The following NPY5R variants were observed in gnomAD, a reference collection of about 807,000 sequenced individuals.
NPY5R encodes the protein neuropeptide Y receptor Y5, also known as neuropeptide Y receptor type 5.
Under a neutral mutation model 24.8 loss-of-function variants are expected in NPY5R, and 21 were observed. The ratio of observed to expected loss-of-function variants is 0.85; its 90% CI spans 0.60 to 1.22. The LOEUF (loss-of-function observed/expected upper bound fraction) is 1.22, where lower values mean the gene tolerates loss of function less well. Ranked by LOEUF, NPY5R falls within the 50% of genes most tolerant of loss-of-function variation. The probability of loss-of-function intolerance (pLI) is 0.00; values close to 1 mark genes in which losing one functional copy is unlikely to be tolerated. For synonymous variants in NPY5R, 175 were observed against 183.0 expected (o/e 0.96, Z 0.35); for missense variants, 481 against 521.3 (o/e 0.92, Z 0.75).
chr4:163,350,071 T>A, intron 3 of NPY5R, 194 bp from the exon 4 acceptor site: 1 of 319,172 alleles, frequency 3.1e-6, no homozygotes, highest in Non-Finnish European at 5.2e-6. Flanking sequence ...GCCACTGCAC[T>A]CCAGCCTGGG....
rs777496266 is a variant in NPY5R at position 163,350,718 on chromosome 4, A to G, written c.445A>G (p.Asn149Asp). Residue 149 changes from asparagine to aspartate, a missense_variant, in exon 4 of 4, where the codon AAT becomes GAT. Transcript: ENST00000338566. ...TCATATGATAAAACATCCCATATCTAATAATTTAACAGCAAACCATGGCTA... is the reference window on the plus strand; with the variant it reads ...TCATATGATAAAACATCCCATATCTGATAATTTAACAGCAAACCATGGCTA... Reference protein sequence around the residue: ...RYHMIKHPISNNLTANHGYFL... With the variant: ...RYHMIKHPISDNLTANHGYFL... 6.8e-6 allele frequency: 11 copies of G among 1,613,984 alleles called. No individual in the cohort carries two copies. The highest frequency in any genetic ancestry group is 9.3e-6 in the Non-Finnish European group (11 of 1,179,988).
chr4:163,347,634 A>G (rs986132855), intron 3 of NPY5R, 112 bp downstream of exon 3: 2 of 152,232 alleles, frequency 1.3e-5, no homozygotes, highest in African/African-American at 4.8e-5. Context: ...GGATCATCAG[A>G]ACTCAGGAAA....
At position 163,351,751 on chromosome 4, in the gene NPY5R, C is replaced by A; in HGVS notation, c.*140C>A. ...GTGAAAGAGTTCTGGATTCAAATGTCAGTTCATAATATATGGAAGATAATT... is the reference window on the plus strand; with the variant it reads ...GTGAAAGAGTTCTGGATTCAAATGTAAGTTCATAATATATGGAAGATAATT... On this transcript the variant is annotated 3_prime_UTR_variant, in exon 4 of 4. Transcript: ENST00000338566. The A allele has an allele frequency of 1.8e-6, 1 of 567,648 alleles. No individual in the cohort carries two copies. The highest frequency in any genetic ancestry group is 3.0e-6 in the Non-Finnish European group (1 of 334,132). 35.2% of individuals were successfully genotyped at this position (567,648 alleles called of 1,614,324 possible).
intron 3 of NPY5R, 139 bp from the exon 4 acceptor site, chr4:163,350,121 AAAAAG>A: frequency 4.5e-6 from 2 of 448,144 alleles, no homozygotes; most frequent in Non-Finnish European, 7.5e-6. Context: ...AAAAAAAAAA[AAAAAG>A]ATATCATAAA....
rs769907339 is a variant in NPY5R, at chr4:163,351,086, C to G, written c.813C>G (p.Leu271=). The G allele has an allele frequency of 1.2e-6, 2 of 1,614,120 alleles. No homozygotes were observed. Among genetic ancestry groups the G allele is most frequent in the Non-Finnish European group, 1.7e-6 (2 of 1,180,012 alleles). The change falls in exon 4 of 4, where the codon CTC becomes CTG. Residue 271 remains leucine, a synonymous_variant. Transcript: ENST00000338566. Reference sequence around the variant, plus strand: ...AAAAGAGTGGGCCTCAGGTGAAACTCTCTGGCAGCCATAAATGGAGTTATT... The same window carrying G: ...AAAAGAGTGGGCCTCAGGTGAAACTGTCTGGCAGCCATAAATGGAGTTATT... ...PSKKSGPQVK[L]SGSHKWSYSF...
chr4:163,350,821 T>G lies in NPY5R; in HGVS notation c.548T>G (p.Leu183Arg), dbSNP rs749777768. The G allele has an allele frequency of 9.9e-6, 16 of 1,614,100 alleles. No homozygotes were observed. The highest frequency in any genetic ancestry group is 1.1e-5 in the Non-Finnish European group (13 of 1,180,032). The change falls in exon 4 of 4, where the codon CTT (leucine) becomes CGT (arginine). Residue 183 changes from leucine to arginine, a missense_variant. Transcript: ENST00000338566. ...PLPVFHSLVELQETFGSALLS... is the reference protein window; with the variant it reads ...PLPVFHSLVERQETFGSALLS... ...CCAGTGTTTCACAGTCTTGTGGAAC[T>G]TCAAGAAACATTTGGTTCAGCATTG...
chr4:163,346,944 G>T (rs1735278821), intron 2 of NPY5R, among the ~76,000 whole-genome samples: 1 of 151,764 alleles, frequency 6.6e-6, no homozygotes, highest in African/African-American at 2.4e-5. Context: ...TTGCATTTTG[G>T]GGCCATTTGA....
Position 163,350,487 on chromosome 4 carries a change from CAGA to C in NPY5R, c.218_220del (p.Lys73del). 1 of 1,614,076 alleles carries C rather than the reference CAGA, an allele frequency of 6.2e-7. No homozygotes were observed. Among genetic ancestry groups the C allele is most frequent in the Non-Finnish European group, 8.5e-7 (1 of 1,180,000 alleles). ...AATGGCTCTCATGAAAAAGCGTAATCAGAAGACTACGGTAAACTTCCTCATAGG... is the reference window on the plus strand; with the variant it reads ...AATGGCTCTCATGAAAAAGCGTAATCAGACTACGGTAAACTTCCTCATAGG... On this transcript the variant is annotated inframe_deletion, in exon 4 of 4. Coordinates refer to ENST00000338566, the MANE Select transcript of NPY5R (RefSeq NM_006174.4).
Position 163,351,217 on chromosome 4 carries a change from A to T in NPY5R, c.944A>T (p.Asn315Ile). 6.2e-7 allele frequency: 1 copy of T among 1,614,126 alleles called. No homozygotes were observed. ...QENHSRILPE[N>I]FGSVRSQLSS... ...AACCACTCCAGAATACTTCCAGAAA[A>T]CTTTGGCTCTGTAAGAAGTCAGCTC... is the stretch of plus-strand genomic sequence containing the variant. Residue 315 changes from asparagine to isoleucine, a missense_variant, in exon 4 of 4, where the codon AAC becomes ATC. Coordinates refer to ENST00000338566, the MANE Select transcript of NPY5R (RefSeq NM_006174.4).
intron 2 of NPY5R, among the ~76,000 whole-genome samples, chr4:163,346,251 T>C (rs1217993699): frequency 6.6e-6 from 1 of 152,220 alleles, no homozygotes; most frequent in Non-Finnish European, 1.5e-5. Context: ...CAGTAATGCA[T>C]GTGTCCATGC....
rs1183201514 is a variant in NPY5R at position 163,350,625 on chromosome 4, C to T, written c.352C>T (p.Pro118Ser). Residue 118 changes from proline to serine, a missense_variant, in exon 4 of 4, where the codon CCT (proline) becomes TCT (serine). Transcript: ENST00000338566. ...MFGKVMCHIMPFLQCVSVLVS... is the reference protein window; with the variant it reads ...MFGKVMCHIMSFLQCVSVLVS... ...TGGCAAAGTCATGTGCCATATTATGCCTTTTCTTCAATGTGTGTCAGTTTT... is the reference window on the plus strand; with the variant it reads ...TGGCAAAGTCATGTGCCATATTATGTCTTTTCTTCAATGTGTGTCAGTTTT... 6.2e-7 allele frequency: 1 copy of T among 1,613,976 alleles called. No homozygotes were observed. Among genetic ancestry groups the T allele is most frequent in the Non-Finnish European group, 8.5e-7 (1 of 1,180,016 alleles).
rs1032235385 is a variant in NPY5R, at chr4:163,346,752, A to G, written c.-80-700A>G. Among the ~76,000 whole-genome samples, 5 of 152,214 alleles carry G rather than the reference A, an allele frequency of 3.3e-5. No individual in the cohort carries two copies. The East Asian group carries it at 9.6e-4, about 29-fold the overall frequency. On this transcript the variant is annotated intron_variant, in intron 2 of 3. Transcript: ENST00000338566. Reference sequence around the variant, plus strand: ...GCATATATTTAAAATAAAAGTTTTAATAACAGACTGCACAGTCGTGGAAAT... The same window carrying G: ...GCATATATTTAAAATAAAAGTTTTAGTAACAGACTGCACAGTCGTGGAAAT...
In NPY5R at chr4:163,351,327, G is replaced by A; in HGVS notation, c.1054G>A (p.Val352Ile). Residue 352 changes from valine to isoleucine, a missense_variant, in exon 4 of 4, where the codon GTA (valine) becomes ATA (isoleucine). By Grantham distance (29) the Val-to-Ile change is conservative. Transcript: ENST00000338566. ...EENSDVHELR[V>I]KRSVTRIKKR... ...AAATTCAGATGTTCATGAATTGAGA[G>A]TAAAACGTTCTGTTACAAGAATAAA... 2 of 1,613,736 alleles carry A rather than the reference G, an allele frequency of 1.2e-6. No homozygotes were observed. Among genetic ancestry groups the A allele is most frequent in the Non-Finnish European group, 1.7e-6 (2 of 1,179,660 alleles).
At chr4:163,344,633 A>G (rs772453152) in intron 1 of NPY5R, 1 of 152,256 alleles carries the variant, frequency 6.6e-6, no homozygotes, top group African/African-American at 2.4e-5. Context: ...GTGTCTTCAT[A>G]TAACAAATGC....
chr4:163,346,449 G>A (rs915952598), intron 2 of NPY5R, among the ~76,000 whole-genome samples: 9 of 152,114 alleles, frequency 5.9e-5, no homozygotes, highest in South Asian at 2.1e-4. Flanking sequence ...TTAGAGCAGA[G>A]CAGAGCACCT....
chr4:163,349,812 T>A (rs1330847072), intron 3 of NPY5R, among the ~76,000 whole-genome samples: 1 of 152,150 alleles, frequency 6.6e-6, no homozygotes, highest in Admixed American at 6.6e-5. Context: ...TTGGAACGAG[T>A]TAAAGGTATC....
Position 163,350,714 on chromosome 4 carries a change from A to G in NPY5R, c.441A>G (p.Ile147Met), listed in dbSNP as rs545198380. 5.0e-6 allele frequency: 8 copies of G among 1,614,116 alleles called. No individual in the cohort carries two copies. The highest frequency in any genetic ancestry group is 1.6e-4 in the Middle Eastern group (1 of 6,062). The change falls in exon 4 of 4, where the codon ATA becomes ATG. Residue 147 changes from isoleucine (I) to methionine (M), a missense_variant. Transcript: ENST00000338566. ...IVRYHMIKHP[I>M]SNNLTANHGY... is the part of the protein sequence containing the mutation. ...GGTATCATATGATAAAACATCCCAT[A>G]TCTAATAATTTAACAGCAAACCATG...
chr4:163,349,761 A>T (rs1735397675), intron 3 of NPY5R, among the ~76,000 whole-genome samples: 1 of 152,258 alleles, frequency 6.6e-6, no homozygotes, highest in Non-Finnish European at 1.5e-5. Flanking sequence ...TGATAAAATT[A>T]AATTTACTAT....
In NPY5R at chr4:163,351,142, G is replaced by A; in HGVS notation, c.869G>A (p.Ser290Asn). The stretch of plus-strand genomic sequence containing the variant: ...ATCAAAAAACACAGAAGAAGATATA[G>A]CAAGAAGACAGCATGTGTGTTACCT... ...SFIKKHRRRY[S>N]KKTACVLPAP... Residue 290 changes from serine (S) to asparagine (N), a missense_variant, in exon 4 of 4, where the codon AGC becomes AAC. By Grantham distance (46) the Ser-to-Asn change is conservative (BLOSUM62 1). Coordinates refer to ENST00000338566, the MANE Select transcript of NPY5R (RefSeq NM_006174.4). The A allele has an allele frequency of 6.2e-7, 1 of 1,614,056 alleles. No homozygotes were observed. The highest frequency in any genetic ancestry group is 1.3e-5 in the African/African-American group (1 of 75,038).
Sources: allele counts gnomAD v4.1 joint callset (sites outside exome capture counted in the v4.1 genomes callset), GRCh38; gene constraint gnomAD v4.1.1; transcripts MANE v1.5; gene names NCBI Gene and HGNC (gene_info 2026-07-23, HGNC 2026-07-21).